The following CAMSAP1 variants were observed in gnomAD, a reference collection of about 807,000 sequenced individuals.
CAMSAP1 encodes calmodulin regulated spectrin associated protein 1, also known as calmodulin-regulated spectrin-associated protein 1.
CAMSAP1 carries 58 observed loss-of-function variants against 143.5 expected under a neutral mutation model. The ratio of observed to expected loss-of-function variants is 0.40; its 90% CI spans 0.33 to 0.50. CAMSAP1 has a LOEUF of 0.50. Among genes scored for constraint, CAMSAP1 ranks in the 20% least tolerant of loss-of-function variants. The pLI is 0.45. For missense variants in CAMSAP1, 1,969 were observed against 2,115.7 expected, an observed-to-expected ratio of 0.93 and a Z score of 1.36; for synonymous variants, 945 against 859.3, an observed-to-expected ratio of 1.10 and a Z score of -1.74.
At chr9:135,837,211 G>A (rs923346676) in intron 7 of CAMSAP1, among the ~76,000 whole-genome samples, 2 of 127,236 alleles carry the variant, frequency 1.6e-5, no homozygotes, top group South Asian at 2.6e-4. Flanking sequence ...AGAGACACAC[G>A]TCACCACGGA....
chr9:135,854,257 G>C (rs1398886345), intron 5 of CAMSAP1, among the ~76,000 whole-genome samples: 1 of 152,216 alleles, frequency 6.6e-6, no homozygotes, highest in Non-Finnish European at 1.5e-5. Flanking sequence ...CTTCAAAGAA[G>C]ATTGCTCATT....
In CAMSAP1 at chr9:135,907,456, CG is replaced by C. The variant is rs1289228005; in HGVS notation, c.-298del. On this transcript the variant is annotated 5_prime_UTR_variant, in exon 1 of 17. Coordinates refer to ENST00000389532, the MANE Select transcript of CAMSAP1 (RefSeq NM_015447.4). ...GGCGGGCGCGGGGGCGGGAGCGGGC[CG>C]GGGGCGGTGGCAGCGCGTGCGCGGT... 2.7e-5 allele frequency among the ~76,000 whole-genome samples: 4 copies of C among 145,470 alleles called. No individual in the cohort carries two copies. In the East Asian group the frequency reaches 8.1e-4, roughly 29 times the overall value.
Position 135,823,966 on chromosome 9 carries a change from G to T in CAMSAP1, c.1384C>A (p.Pro462Thr). ...GQPRGAAIAWPEKKTRPASQP... is the reference protein window; with the variant it reads ...GQPRGAAIAWTEKKTRPASQP... ...CAGACTCACCTGGTTTTTTTTTCTG[G>T]CCAGGCTATTGCTGCTCCTCGAGGC... The change falls in exon 10 of 17, where the codon CCA becomes ACA. Residue 462 changes from proline (P) to threonine (T), a missense_variant. Pro to Thr is a conservative substitution (Grantham distance 38). Transcript: ENST00000389532. 6.3e-7 allele frequency: 1 copy of T among 1,580,898 alleles called. No individual in the cohort carries two copies. The highest frequency in any genetic ancestry group is 8.6e-7 in the Non-Finnish European group (1 of 1,163,372).
chr9:135,862,401 C>A (rs1837231835), intron 5 of CAMSAP1, 66 bp downstream of exon 5: 2 of 1,435,950 alleles, frequency 1.4e-6, no homozygotes, highest in Non-Finnish European at 1.9e-6. Context: ...ATATGTGGAT[C>A]AATGTACACT....
chr9:135,906,812 C>A (rs577034506), intron 1 of CAMSAP1, among the ~76,000 whole-genome samples, 188 bp downstream of exon 1: 5 of 152,058 alleles, frequency 3.3e-5, no homozygotes, highest in Admixed American at 1.3e-4. Flanking sequence ...CGCCAGGTGA[C>A]CGCGTCCCCA....
At position 135,811,349 on chromosome 9, in the gene CAMSAP1, T is replaced by C. The variant is rs1290118955; in HGVS notation, c.4769A>G (p.Lys1590Arg). ...LTIHNHLWQP[K>R]RPAVPKKAQT... ...GGCCTTCTTTGGCACTGCAGGCCGC[T>C]TGGGCTGCCACAGGTGGTTGTGGAT... is the stretch of plus-strand genomic sequence containing the variant. The change falls in exon 17 of 17, where the codon AAG (lysine) becomes AGG (arginine). Residue 1590 changes from lysine (K) to arginine (R), a missense_variant. This residue lies in a region of CAMSAP1 where 143 missense variants were observed against 200.6 expected (regional missense o/e 0.71). Transcript: ENST00000389532. The surrounding 1 kb of genome is among the most constrained non-coding windows in gnomAD (Gnocchi z 4.9). 1.9e-6 allele frequency: 3 copies of C among 1,613,174 alleles called. No individual in the cohort carries two copies. Among genetic ancestry groups the C allele is most frequent in the Non-Finnish European group, 2.5e-6 (3 of 1,179,556 alleles).
intron 7 of CAMSAP1, 84 bp from the exon 8 acceptor site, chr9:135,827,668 A>G (rs1835726109): frequency 7.8e-7 from 1 of 1,283,390 alleles, no homozygotes; most frequent in African/African-American, 1.5e-5. Context: ...TATAAGCACT[A>G]ACTCAACCTT....
chr9:135,814,581 C>T (rs1295795258), intron 16 of CAMSAP1, among the ~76,000 whole-genome samples: 1 of 152,208 alleles, frequency 6.6e-6, no homozygotes, highest in Non-Finnish European at 1.5e-5. Flanking sequence ...CCGGAGTCCA[C>T]ACGCTCAGCG....
In CAMSAP1 at chr9:135,882,796, G is replaced by A. The variant is rs374822177; in HGVS notation, c.423+20C>T. 3.0e-4 allele frequency: 455 copies of A among 1,542,062 alleles called. No individual in the cohort carries two copies. The highest frequency in any genetic ancestry group is 3.9e-4 in the South Asian group (33 of 83,866). On this transcript the variant is annotated intron_variant, in intron 2 of 16. Coordinates refer to ENST00000389532, the MANE Select transcript of CAMSAP1 (RefSeq NM_015447.4). This position sits in a 1 kb window ranked among gnomAD's most constrained non-coding sequence, Gnocchi z 4.9. ...GCTCCAGAGGATGGCCCCTGGGGGC[G>A]GCCACCGCAGACCACTCACCATTTT...
rs187172909 is a variant in CAMSAP1, at chr9:135,882,892, C to T, written c.347G>A (p.Arg116Gln). 3.9e-3 allele frequency: 6,093 copies of T among 1,551,652 alleles called. 21 individuals are homozygous for T. Among genetic ancestry groups the T allele is most frequent in the Non-Finnish European group, 5.0e-3 (5,712 of 1,146,982 alleles). ...GHQSVIQALS[R>Q]KGIYVMESDD... ...ACTCTCCATCACATAGATCCCTTTCCGGGACAGGGCCTGGATGACAGACTG... is the reference window on the plus strand; with the variant it reads ...ACTCTCCATCACATAGATCCCTTTCTGGGACAGGGCCTGGATGACAGACTG... The change falls in exon 2 of 17, where the codon CGG (arginine) becomes CAG (glutamine). Residue 116 changes from arginine to glutamine, a missense_variant. Physicochemically the swap from Arg to Gln is conservative, Grantham distance 43 (BLOSUM62 1). This residue lies in a region of CAMSAP1 where 215 missense variants were observed against 196.2 expected (regional missense o/e 1.10). Transcript: ENST00000389532. The surrounding 1 kb of genome is among the most constrained non-coding windows in gnomAD (Gnocchi z 4.9).
rs1834989939 is a variant in CAMSAP1 at position 135,810,085 on chromosome 9, A to ATG, written c.*1223_*1224insCA. ...AATCTTCCGGCAGCTGGTCAGTTGC[A>ATG]GCAGTGTCTGGCAGCCATGGCTGGC... On this transcript the variant is annotated 3_prime_UTR_variant, in exon 17 of 17. Coordinates refer to ENST00000389532, the MANE Select transcript of CAMSAP1 (RefSeq NM_015447.4). The ATG allele has an allele frequency of 1.3e-5, 2 of 152,646 alleles. No homozygotes were observed. 9.5% of individuals were successfully genotyped at this position (152,646 alleles called of 1,614,324 possible).
intron 7 of CAMSAP1, among the ~76,000 whole-genome samples, chr9:135,849,190 C>T (rs1432284174): frequency 1.3e-5 from 2 of 152,232 alleles, no homozygotes; most frequent in Non-Finnish European, 2.9e-5. Flanking sequence ...GTGCTCAGAA[C>T]ACTTACACTA....
At chr9:135,894,921 T>C (rs754782897) in intron 1 of CAMSAP1, among the ~76,000 whole-genome samples, 4 of 152,206 alleles carry the variant, frequency 2.6e-5, no homozygotes, top group Non-Finnish European at 5.9e-5. Context: ...ATTCTGGTAA[T>C]GAGAGCCAAA....
chr9:135,871,586 TTC>T (rs1447872285), intron 3 of CAMSAP1, among the ~76,000 whole-genome samples: 1 of 152,188 alleles, frequency 6.6e-6, no homozygotes, highest in African/African-American at 2.4e-5. Context: ...TTTTTAAACT[TTC>T]TGATTTTTAA....
chr9:135,818,396 G>T lies in CAMSAP1; in HGVS notation c.4168+12C>A, dbSNP rs762290394. ...AGGAAGCGCTGCCCGCGTGAGGGCC[G>T]GGGCTGCTTACGGGTGGAGGAGCAC... On this transcript the variant is annotated intron_variant, in intron 13 of 16. Coordinates refer to ENST00000389532, the MANE Select transcript of CAMSAP1 (RefSeq NM_015447.4). This position sits in a 1 kb window ranked among gnomAD's most constrained non-coding sequence, Gnocchi z 7.7. 1 of 1,562,286 alleles carries T rather than the reference G, an allele frequency of 6.4e-7. No homozygotes were observed.
intron 7 of CAMSAP1, among the ~76,000 whole-genome samples, chr9:135,838,607 TACAG>T (rs1314235514): frequency 4.7e-5 from 7 of 149,666 alleles, no homozygotes; most frequent in Admixed American, 2.7e-4. Context: ...CTACCCGTTC[TACAG>T]ACACACATCA....
Position 135,907,210 on chromosome 9 carries a change from G to A in CAMSAP1, c.-51C>T, listed in dbSNP as rs1038019259. ...GCCCGGCCGCAACAAAGGCGCCGCC[G>A]CCCCTCGCCGCGCCGGGCCCGGTGC... is the stretch of plus-strand genomic sequence containing the variant. On this transcript the variant is annotated 5_prime_UTR_variant, in exon 1 of 17. Transcript: ENST00000389532. The A allele has an allele frequency of 1.0e-4, 105 of 1,023,582 alleles. No individual in the cohort carries two copies. Among genetic ancestry groups the A allele is most frequent in the Admixed American group, 1.7e-4 (3 of 17,370 alleles). 63.4% of individuals were successfully genotyped at this position (1,023,582 alleles called of 1,614,324 possible).
chr9:135,841,833 C>G (rs1836363247), intron 7 of CAMSAP1, among the ~76,000 whole-genome samples: 1 of 152,126 alleles, frequency 6.6e-6, no homozygotes, highest in South Asian at 2.1e-4. Context: ...CACAAAAACC[C>G]CATCCAAAGG....
At chr9:135,852,977 C>A (rs908582540) in intron 5 of CAMSAP1, among the ~76,000 whole-genome samples, 5 of 152,142 alleles carry the variant, frequency 3.3e-5, no homozygotes, top group African/African-American at 1.2e-4. Context: ...GTGGAGAGAC[C>A]AGCAGGTGAG....
Sources: gnomAD v4.1 joint callset for allele counts (sites outside exome capture counted in the v4.1 genomes callset) on GRCh38, gnomAD v4.1.1 for gene constraint, gnomAD v4.1.1 regional missense constraint, Gnocchi (gnomAD v3.1) non-coding constraint, MANE v1.5 for transcripts, NCBI Gene and HGNC (gene_info 2026-07-23, HGNC 2026-07-21) for gene names.